RNLS: variants seen among roughly 807,000 people sequenced by gnomAD.
RNLS encodes the protein renalase.
Under a neutral mutation model 39.8 loss-of-function variants are expected in RNLS, and 39 were observed. The observed-to-expected ratio is 0.98, with a 90% CI of 0.76 to 1.28. The LOEUF (loss-of-function observed/expected upper bound fraction) is 1.28. RNLS is among the 50% of genes most tolerant of loss of function. The probability of loss-of-function intolerance (pLI) is 0.00; values close to 1 mark genes in which losing one functional copy is unlikely to be tolerated. For missense variants in RNLS, 410 were observed against 413.3 expected, an observed-to-expected ratio of 0.99 and a Z score of 0.07; for synonymous variants, 147 against 150.7, an observed-to-expected ratio of 0.98 and a Z score of 0.18.
downstream of RNLS, among the ~76,000 whole-genome samples, chr10:88,280,463 A>C (rs1030957504): frequency 6.6e-6 from 1 of 152,196 alleles, no homozygotes; most frequent in Non-Finnish European, 1.5e-5. Flanking sequence ...ACGTAAAGTG[A>C]TAGGTTTAAG....
chr10:88,524,960 C>CATATATATATATATAT (rs772272529), intron 4 of RNLS, among the ~76,000 whole-genome samples: 1 of 88,962 alleles, frequency 1.1e-5, no homozygotes, highest in African/African-American at 4.4e-5. Flanking sequence ...CACACACATA[C>CATATATATATATATAT]ATATATATAT....
At chr10:88,370,138 G>A (rs1421724994) in intron 4 of RNLS, among the ~76,000 whole-genome samples, 1 of 152,160 alleles carries the variant, frequency 6.6e-6, no homozygotes, top group Non-Finnish European at 1.5e-5. Context: ...GGCAGTAGTA[G>A]AGATCAACCT....
intron 4 of RNLS, among the ~76,000 whole-genome samples, chr10:88,374,308 C>T (rs1850793113): frequency 6.6e-6 from 1 of 152,028 alleles, no homozygotes; most frequent in Non-Finnish European, 1.5e-5. Context: ...ACCAGGTTAT[C>T]CAAAAGTTCT....
At chr10:88,357,918 A>T (rs1341458508) in intron 5 of RNLS, among the ~76,000 whole-genome samples, 1 of 152,206 alleles carries the variant, frequency 6.6e-6, no homozygotes, top group African/African-American at 2.4e-5. Context: ...AAAGCTACCT[A>T]TCAATCACAA....
At chr10:88,499,208 G>T (rs1455964485) in intron 4 of RNLS, among the ~76,000 whole-genome samples, 1 of 152,094 alleles carries the variant, frequency 6.6e-6, no homozygotes, top group African/African-American at 2.4e-5. Flanking sequence ...CCACTCTACT[G>T]CTCTGCCCAA....
intron 4 of RNLS, among the ~76,000 whole-genome samples, chr10:88,519,966 T>A (rs1846632752): frequency 6.6e-6 from 1 of 151,830 alleles, no homozygotes; most frequent in African/African-American, 2.4e-5. Context: ...GATACCACAA[T>A]CTCCTGTTGC....
At chr10:88,233,186 G>A in the RNLS span, among the ~76,000 whole-genome samples, 1 of 152,178 alleles carries the variant, frequency 6.6e-6, no homozygotes, top group Non-Finnish European at 1.5e-5. Flanking sequence ...AGCAATTAGC[G>A]AAAGCAGCTC....
intron 4 of RNLS, among the ~76,000 whole-genome samples, chr10:88,542,272 G>A (rs1239698838): frequency 6.6e-6 from 1 of 152,104 alleles, no homozygotes; most frequent in Non-Finnish European, 1.5e-5. Flanking sequence ...GTGCACAGGA[G>A]TTTTGGTGAA....
chr10:88,376,976 T>A (rs1851053533), intron 4 of RNLS, among the ~76,000 whole-genome samples: 1 of 151,942 alleles, frequency 6.6e-6, no homozygotes, highest in Admixed American at 6.6e-5. Flanking sequence ...AACACTTAAC[T>A]TCATAAGAAA....
At chr10:88,337,852 A>C (rs1171587997) in intron 5 of RNLS, among the ~76,000 whole-genome samples, 1 of 152,110 alleles carries the variant, frequency 6.6e-6, no homozygotes, top group African/African-American at 2.4e-5. Context: ...TGTGTCTGGC[A>C]TATTTATGCT....
intron 4 of RNLS, among the ~76,000 whole-genome samples, chr10:88,450,334 G>T (rs1291483262): frequency 6.6e-6 from 1 of 152,178 alleles, no homozygotes; most frequent in Non-Finnish European, 1.5e-5. Context: ...AGAATCACAA[G>T]GTAGAGCCAG....
chr10:88,244,153 C>T, the RNLS span, among the ~76,000 whole-genome samples: 3 of 152,194 alleles, frequency 2.0e-5, no homozygotes, highest in Non-Finnish European at 4.4e-5. Context: ...GGGCCCAATC[C>T]GGGGTCTGCA....
At chr10:88,301,770 G>A (rs1012182147) in intron 6 of RNLS, among the ~76,000 whole-genome samples, 3 of 152,084 alleles carry the variant, frequency 2.0e-5, no homozygotes, top group African/African-American at 7.2e-5. Flanking sequence ...CATAGTCCCT[G>A]GCATTGAATT....
the RNLS span, among the ~76,000 whole-genome samples, chr10:88,244,160 T>C: frequency 6.6e-6 from 1 of 152,248 alleles, no homozygotes; most frequent in East Asian, 1.9e-4. Flanking sequence ...ATCCGGGGTC[T>C]GCATGCTTCC....
chr10:88,484,084 A>G (rs1413550287), intron 4 of RNLS, among the ~76,000 whole-genome samples: 2 of 152,096 alleles, frequency 1.3e-5, no homozygotes, highest in South Asian at 2.1e-4. Context: ...GCTATAACTC[A>G]TATCAAGTCT....
intron 4 of RNLS, among the ~76,000 whole-genome samples, chr10:88,476,763 A>G (rs1843845110): frequency 6.6e-6 from 1 of 152,162 alleles, no homozygotes; most frequent in South Asian, 2.1e-4. Context: ...TCTTTTCATT[A>G]TCTCTTTTTA....
At chr10:88,273,294 A>G (rs916352877), downstream of RNLS, among the ~76,000 whole-genome samples, 1 of 152,240 alleles carries the variant, frequency 6.6e-6, no homozygotes, top group Non-Finnish European at 1.5e-5. Flanking sequence ...AAAAATATAA[A>G]GAAAGAAATG....
intron 4 of RNLS, among the ~76,000 whole-genome samples, chr10:88,440,608 G>C (rs1841657738): frequency 1.3e-5 from 2 of 152,160 alleles, no homozygotes; most frequent in Non-Finnish European, 2.9e-5. Context: ...CCTTGATGTT[G>C]GCTTTTCCTC....
intron 3 of RNLS, among the ~76,000 whole-genome samples, chr10:88,575,183 T>TA (rs1850112123): frequency 1.8e-5 from 2 of 110,444 alleles, no homozygotes; most frequent in African/African-American, 3.7e-5. Context: ...CACACACATA[T>TA]TATATATATA....
Sources: allele counts gnomAD v4.1 joint callset (sites outside exome capture counted in the v4.1 genomes callset), GRCh38; gene constraint gnomAD v4.1.1; transcripts MANE v1.5; gene names NCBI Gene and HGNC (gene_info 2026-07-23, HGNC 2026-07-21).